SAMD12: variants seen among roughly 807,000 people sequenced by gnomAD.
The protein encoded by SAMD12 is sterile alpha motif domain containing 12, also known as sterile alpha motif domain-containing protein 12.
In SAMD12, 9 loss-of-function variants were observed where a neutral mutation model predicts 15.0. The ratio of observed to expected loss-of-function variants is 0.60; its 90% CI spans 0.36 to 1.05. The LOEUF is 1.05. SAMD12 is among the 50% of genes least tolerant of loss of function. The pLI is 0.01. For synonymous variants in SAMD12, 86 were observed against 90.1 expected (o/e 0.96, Z 0.25); for missense variants, 230 against 234.2 (o/e 0.98, Z 0.12).
chr8:118,484,619 TA>T (rs1236499339), intron 2 of SAMD12, among the ~76,000 whole-genome samples: 1 of 152,028 alleles, frequency 6.6e-6, no homozygotes, highest in Non-Finnish European at 1.5e-5. Flanking sequence ...AAAAAGTGAT[TA>T]AAAAATACCA....
intron 4 of SAMD12, among the ~76,000 whole-genome samples, chr8:118,296,161 G>T (rs755697773): frequency 3.9e-5 from 6 of 152,150 alleles, no homozygotes; most frequent in Non-Finnish European, 5.9e-5. Context: ...GCATAACCAT[G>T]CCCACATCAC....
chr8:118,588,560 C>G (rs1291488788), intron 1 of SAMD12, among the ~76,000 whole-genome samples: 1 of 152,156 alleles, frequency 6.6e-6, no homozygotes, highest in Non-Finnish European at 1.5e-5. Context: ...GCTCATTTAT[C>G]TATATAGTGT....
Position 118,252,491 on chromosome 8 carries a change from T to C in SAMD12, c.434-54759A>G, listed in dbSNP as rs537448623. Among the ~76,000 whole-genome samples, 6 of 124,586 alleles carry C rather than the reference T, an allele frequency of 4.8e-5. No individual in the cohort carries two copies. The East Asian group carries it at 1.2e-3, about 24-fold the overall frequency. 81.7% of individuals were successfully genotyped at this position (124,586 alleles called of 152,430 possible). On this transcript the variant is annotated intron_variant, in intron 4 of 4. Transcript: ENST00000409003. ...TCTTTCTCCTGTCTTGGTAGTGCTC[T>C]CTTGACTAGCAGTCATCTTTGCTCC...
At chr8:118,181,958 T>C in the SAMD12 span, among the ~76,000 whole-genome samples, 1 of 152,242 alleles carries the variant, frequency 6.6e-6, no homozygotes, top group Non-Finnish European at 1.5e-5. Context: ...CTCAGTCCTT[T>C]AGGTAACCTT....
intron 4 of SAMD12, among the ~76,000 whole-genome samples, chr8:118,277,008 CTCTT>C (rs1407353308): frequency 6.6e-6 from 1 of 152,044 alleles, no homozygotes; most frequent in Non-Finnish European, 1.5e-5. Flanking sequence ...TTTGAAGTCT[CTCTT>C]TCTCCAGTTT....
chr8:118,500,755 G>T (rs1824761167), intron 2 of SAMD12, among the ~76,000 whole-genome samples: 1 of 152,150 alleles, frequency 6.6e-6, no homozygotes, highest in Admixed American at 6.5e-5. Flanking sequence ...GCAGTGAGCT[G>T]AGATTGCACC....
rs117639988 is a variant in SAMD12 at position 118,325,436 on chromosome 8, T to C, written c.433+54124A>G. Among the ~76,000 whole-genome samples, 310 of 152,328 alleles carry C rather than the reference T, an allele frequency of 2.0e-3. 11 individuals are homozygous for C. The East Asian group carries it at 0.049, about 24-fold the overall frequency. ...TTATTTCTTTGCTCCCCCGGGTTTA[T>C]TGAGGTATAATTGACAAGTAAAAAT... On this transcript the variant is annotated intron_variant, in intron 4 of 4. Coordinates refer to the SAMD12 transcript ENST00000409003.
At chr8:118,472,369 G>A (rs868320705) in intron 2 of SAMD12, among the ~76,000 whole-genome samples, 6 of 152,010 alleles carry the variant, frequency 3.9e-5, no homozygotes, top group African/African-American at 1.5e-4. Context: ...GGTCTCGAAA[G>A]CCTGTCACAC....
intron 1 of SAMD12, among the ~76,000 whole-genome samples, chr8:118,591,500 C>T (rs917477730): frequency 6.6e-6 from 1 of 152,178 alleles, no homozygotes; most frequent in Non-Finnish European, 1.5e-5. Flanking sequence ...AAATCCTCCA[C>T]TTTTACCCAT....
chr8:118,193,982 A>C (rs1303764545), exon 5 of SAMD12: 1 of 152,212 alleles, frequency 6.6e-6, no homozygotes, highest in Non-Finnish European at 1.5e-5. Flanking sequence ...CTGCTCATGT[A>C]CTAGAAAGAG....
At chr8:118,346,565 C>A (rs1277559335) in intron 4 of SAMD12, among the ~76,000 whole-genome samples, 1 of 152,158 alleles carries the variant, frequency 6.6e-6, no homozygotes, top group Non-Finnish European at 1.5e-5. Flanking sequence ...GAACAAATGA[C>A]CCATGAGATG....
intron 4 of SAMD12, among the ~76,000 whole-genome samples, chr8:118,213,202 G>A (rs1056538154): frequency 6.6e-6 from 1 of 152,164 alleles, no homozygotes; most frequent in Admixed American, 6.5e-5. Flanking sequence ...CTCTCATTGA[G>A]AGATGGGGTC....
At chr8:118,217,195 G>C (rs1007128740) in intron 4 of SAMD12, among the ~76,000 whole-genome samples, 3 of 152,140 alleles carry the variant, frequency 2.0e-5, no homozygotes, top group African/African-American at 7.2e-5. Flanking sequence ...GTAGAGACAG[G>C]GTTTCACTAT....
chr8:118,543,764 A>C (rs1826050929), intron 2 of SAMD12, among the ~76,000 whole-genome samples: 1 of 151,612 alleles, frequency 6.6e-6, no homozygotes, highest in African/African-American at 2.4e-5. Flanking sequence ...TTCACCAATA[A>C]AGTCTTCCTT....
At position 118,439,236 on chromosome 8, in the gene SAMD12, C is replaced by A. The variant is rs370273028; in HGVS notation, c.322+596G>T. On this transcript the variant is annotated intron_variant, in intron 3 of 3. Transcript: ENST00000314727. ...TATCTGTGCCTTGAAACTATTCATCCCAAGGGCAGAGAGTTAGTATTATTA... is the reference window on the plus strand; with the variant it reads ...TATCTGTGCCTTGAAACTATTCATCACAAGGGCAGAGAGTTAGTATTATTA... 1.9e-4 allele frequency among the ~76,000 whole-genome samples: 29 copies of A among 152,214 alleles called. No homozygotes were observed. The East Asian group carries it at 3.5e-3, about 18-fold the overall frequency.
the SAMD12 span, among the ~76,000 whole-genome samples, chr8:118,143,743 G>A: frequency 6.6e-6 from 1 of 152,148 alleles, no homozygotes; most frequent in Non-Finnish European, 1.5e-5. Flanking sequence ...AAGAAAAAAT[G>A]TAGAGTCCAG....
At chr8:118,499,740 T>C (rs968786375) in intron 2 of SAMD12, among the ~76,000 whole-genome samples, 1 of 152,108 alleles carries the variant, frequency 6.6e-6, no homozygotes, top group Admixed American at 6.5e-5. Flanking sequence ...ATCTTGGCCA[T>C]AGACTCCAAG....
chr8:118,317,266 C>G (rs1815965357), intron 4 of SAMD12, among the ~76,000 whole-genome samples: 1 of 152,214 alleles, frequency 6.6e-6, no homozygotes, highest in Non-Finnish European at 1.5e-5. Flanking sequence ...TTAATACAAT[C>G]TACCTGTCCT....
exon 5 of SAMD12, chr8:118,192,305 T>C (rs1269785365): frequency 6.6e-6 from 1 of 152,186 alleles, no homozygotes; most frequent in African/African-American, 2.4e-5. Flanking sequence ...CTACATTTGG[T>C]AGATGTGTCT....
Sources: gnomAD v4.1 joint callset for allele counts (sites outside exome capture counted in the v4.1 genomes callset) on GRCh38, gnomAD v4.1.1 for gene constraint, MANE v1.5 for transcripts, NCBI Gene and HGNC (gene_info 2026-07-23, HGNC 2026-07-21) for gene names.